The following RBL2 variants were observed in gnomAD, a reference collection of about 807,000 sequenced individuals.
The protein encoded by RBL2 is RB transcriptional corepressor like 2.
RBL2 carries 56 observed loss-of-function variants against 126.0 expected under a neutral mutation model. That is an observed-to-expected ratio of 0.44 (90% CI 0.36 to 0.56). RBL2 has a LOEUF of 0.56. RBL2 is among the 20% of genes least tolerant of loss of function. The probability of loss-of-function intolerance (pLI) is 0.00; values close to 1 mark genes in which losing one functional copy is unlikely to be tolerated. For synonymous variants in RBL2, 454 were observed against 478.5 expected (o/e 0.95, Z 0.67); for missense variants, 1,229 against 1,398.2 (o/e 0.88, Z 1.93).
intron 11 of RBL2, 58 bp downstream of exon 11, chr16:53,462,713 C>A: frequency 1.7e-6 from 2 of 1,166,652 alleles, no homozygotes; most frequent in South Asian, 2.9e-5. Flanking sequence ...CCTTCCTGCC[C>A]TATTCTGTGG....
intron 21 of RBL2, among the ~76,000 whole-genome samples, chr16:53,483,406 A>AT (rs1391071863): frequency 1.1e-4 from 16 of 152,154 alleles, no homozygotes; most frequent in Admixed American, 2.0e-4. Context: ...ACAAATAAAA[A>AT]TTAGCTGAGC....
chr16:53,481,627 A>G (rs1418745248), intron 20 of RBL2, 44 bp from the exon 21 acceptor site: 1 of 1,427,684 alleles, frequency 7.0e-7, no homozygotes, highest in Non-Finnish European at 9.4e-7. Context: ...AAAAATAATT[A>G]TAAATTTTTT....
chr16:53,470,699 G>A (rs1567741257), intron 16 of RBL2, 36 bp downstream of exon 16: 1 of 1,612,438 alleles, frequency 6.2e-7, no homozygotes, highest in Admixed American at 1.7e-5. Flanking sequence ...GCATGAGCTT[G>A]GGAAATACAA....
chr16:53,434,734 G>T lies in RBL2; in HGVS notation c.178G>T (p.Glu60Ter). ...DELCSRLNMD[E>*]AARAEAWDSY... ...GCTGTGCAGCCGCCTCAACATGGAC[G>T]AGGCGGCGCGGGCCGAGGCCTGGGA... Residue 60 changes from glutamate (E) to a stop codon, truncating the protein, a stop_gained, in exon 1 of 22, where the codon GAG becomes TAG. Coordinates refer to ENST00000262133, the MANE Select transcript of RBL2 (RefSeq NM_005611.4). LOFTEE classifies it high-confidence loss of function. 2 of 1,547,370 alleles carry T rather than the reference G, an allele frequency of 1.3e-6. No homozygotes were observed. The highest frequency in any genetic ancestry group is 1.7e-4 in the Middle Eastern group (1 of 5,778).
intron 4 of RBL2, among the ~76,000 whole-genome samples, chr16:53,447,733 C>T (rs891264158): frequency 5.3e-5 from 8 of 151,142 alleles, no homozygotes; most frequent in African/African-American, 1.5e-4. Context: ...CAGCCTACAC[C>T]TCCCAGGTTC....
At position 53,439,007 on chromosome 16, in the gene RBL2, CT is replaced by C. The variant is rs757911395; in HGVS notation, c.241-5del. On this transcript the variant is annotated splice_region_variant and splice_polypyrimidine_tract_variant and intron_variant, in intron 1 of 21. Transcript: ENST00000262133. ...TTTAACTAAAAATCAATTTTCTTTT[CT>C]TTTACAGGGAAATGATCTTCATTGG... 1 of 1,540,350 alleles carries C rather than the reference CT, an allele frequency of 6.5e-7. No individual in the cohort carries two copies. The highest frequency in any genetic ancestry group is 2.2e-5 in the Admixed American group (1 of 46,012).
At chr16:53,486,905 A>G (rs1191431655) in intron 21 of RBL2, among the ~76,000 whole-genome samples, 4 of 152,352 alleles carry the variant, frequency 2.6e-5, no homozygotes, top group African/African-American at 9.6e-5. Context: ...GTATTTCTAT[A>G]TGCTAGCAGT....
intron 9 of RBL2, 67 bp downstream of exon 9, chr16:53,459,684 C>A: frequency 7.2e-7 from 1 of 1,382,768 alleles, no homozygotes; most frequent in Non-Finnish European, 9.7e-7. Flanking sequence ...CCTATTCTTT[C>A]ATTATTAATG....
At chr16:53,484,301 A>C (rs1273685570) in intron 21 of RBL2, among the ~76,000 whole-genome samples, 1 of 152,236 alleles carries the variant, frequency 6.6e-6, no homozygotes, top group Non-Finnish European at 1.5e-5. Flanking sequence ...AATTGGAATG[A>C]TAATACTCAA....
intron 17 of RBL2, among the ~76,000 whole-genome samples, chr16:53,478,403 GCTT>G (rs1960808971): frequency 6.6e-6 from 1 of 151,824 alleles, no homozygotes; most frequent in African/African-American, 2.4e-5. Flanking sequence ...ATTTTTTTCT[GCTT>G]CTTTCTCTCC....
chr16:53,446,897 A>G (rs2058067468), intron 3 of RBL2, 145 bp from the exon 4 acceptor site: 3 of 432,568 alleles, frequency 6.9e-6, no homozygotes, highest in Non-Finnish European at 1.3e-5. Context: ...GTTAAGGCAG[A>G]ACGTCCACGT....
chr16:53,449,237 TTTTG>T (rs1254475830), intron 4 of RBL2: 2 of 152,184 alleles, frequency 1.3e-5, no homozygotes, highest in African/African-American at 4.8e-5. Context: ...TTTTTATCTG[TTTTG>T]TTTGTCTTTT....
At chr16:53,484,034 G>T (rs933442581) in intron 21 of RBL2, among the ~76,000 whole-genome samples, 1 of 151,376 alleles carries the variant, frequency 6.6e-6, no homozygotes, top group Non-Finnish European at 1.5e-5. Context: ...TGAATAAGAA[G>T]ACCAAATATT....
At chr16:53,441,264 A>G (rs577596439) in intron 2 of RBL2, among the ~76,000 whole-genome samples, 41 of 152,048 alleles carry the variant, frequency 2.7e-4, no homozygotes, top group Admixed American at 9.8e-4. Flanking sequence ...TCAGGCAGGA[A>G]CTCTATATTG....
At chr16:53,471,411 TCTTA>T (rs2058322252) in intron 17 of RBL2, among the ~76,000 whole-genome samples, 1 of 152,188 alleles carries the variant, frequency 6.6e-6, no homozygotes, top group South Asian at 2.1e-4. Context: ...ACACTTACTA[TCTTA>T]CTTTGTTTAA....
intron 17 of RBL2, among the ~76,000 whole-genome samples, chr16:53,474,980 G>A (rs1367893616): frequency 2.0e-5 from 3 of 152,182 alleles, no homozygotes; most frequent in Non-Finnish European, 4.4e-5. Context: ...AAGCTGTTGA[G>A]ACCAGAGATT....
At position 53,459,476 on chromosome 16, in the gene RBL2, CACT is replaced by C; in HGVS notation, c.1207_1209del (p.Leu403del). 6.2e-7 allele frequency: 1 copy of C among 1,612,738 alleles called. No homozygotes were observed. The highest frequency in any genetic ancestry group is 8.5e-7 in the Non-Finnish European group (1 of 1,179,444). ...TCCAAAGCACTTAGAATCTCCACACCACTAACTGGTGTTAGGTACATTAAGGAG... is the reference window on the plus strand; with the variant it reads ...TCCAAAGCACTTAGAATCTCCACACCAACTGGTGTTAGGTACATTAAGGAG... On this transcript the variant is annotated inframe_deletion, in exon 9 of 22. Transcript: ENST00000262133.
chr16:53,477,224 T>C (rs1960759239), intron 17 of RBL2, among the ~76,000 whole-genome samples: 1 of 152,248 alleles, frequency 6.6e-6, no homozygotes, highest in African/African-American at 2.4e-5. Context: ...CACCAGTACA[T>C]TGTTATAATT....
chr16:53,450,591 C>G (rs981470001), intron 4 of RBL2, among the ~76,000 whole-genome samples: 2 of 152,112 alleles, frequency 1.3e-5, no homozygotes, highest in Non-Finnish European at 2.9e-5. Flanking sequence ...AATGGTTTAA[C>G]TACACGTAAA....
Sources: allele counts gnomAD v4.1 joint callset (sites outside exome capture counted in the v4.1 genomes callset), GRCh38; gene constraint gnomAD v4.1.1; transcripts MANE v1.5; gene names NCBI Gene and HGNC (gene_info 2026-07-23, HGNC 2026-07-21).